The following GDAP2 variants were observed in gnomAD, a reference collection of about 807,000 sequenced individuals.
GDAP2 encodes ganglioside-induced differentiation-associated protein 2.
In GDAP2, 51 loss-of-function variants were observed where a neutral mutation model predicts 67.0. The observed-to-expected ratio is 0.76, with a 90% CI of 0.61 to 0.96. The LOEUF (loss-of-function observed/expected upper bound fraction) is 0.96, where lower values mean the gene tolerates loss of function less well. GDAP2 is among the 40% of genes least tolerant of loss of function. The pLI is 0.00. For missense variants in GDAP2, 547 were observed against 588.3 expected (o/e 0.93, Z 0.73); for synonymous variants, 203 against 207.3 (o/e 0.98, Z 0.18).
At position 117,863,901 on chromosome 1, in the gene GDAP2, G is replaced by A. The variant is rs1374853133; in HGVS notation, c.*6668C>T. ...ATAAACACTACTATGCATGCTTTAT[G>A]TACATTATTGCATTTGTTCCTCCTA... On this transcript the variant is annotated 3_prime_UTR_variant, in exon 14 of 14. Transcript: ENST00000369443. 6.6e-6 allele frequency: 1 copy of A among 152,154 alleles called. No homozygotes were observed. Among genetic ancestry groups the A allele is most frequent in the Non-Finnish European group, 1.5e-5 (1 of 68,020 alleles). The allele number at this position is 152,154 out of a possible 1,614,324, so 9.4% of individuals were successfully genotyped here. A position where few individuals can be genotyped will look rare whatever the true frequency, so the allele number is the denominator to read the frequency against.
intron 5 of GDAP2, among the ~76,000 whole-genome samples, chr1:117,908,575 C>G (rs1186413250): frequency 6.6e-6 from 1 of 152,108 alleles, no homozygotes; most frequent in Non-Finnish European, 1.5e-5. Context: ...ATAATCCCAG[C>G]ACTTTGGGAG....
intron 3 of GDAP2, among the ~76,000 whole-genome samples, chr1:117,917,518 G>C (rs1249694269): frequency 6.6e-6 from 1 of 152,098 alleles, no homozygotes; most frequent in Non-Finnish European, 1.5e-5. Flanking sequence ...TATTTATTAA[G>C]CTCTTACTAT....
chr1:117,886,117 T>C (rs939464010), intron 10 of GDAP2, among the ~76,000 whole-genome samples: 10 of 152,212 alleles, frequency 6.6e-5, no homozygotes, highest in African/African-American at 2.2e-4. Flanking sequence ...CTACCAGTTA[T>C]AACCATTTTT....
In GDAP2 at chr1:117,883,520, G is replaced by T; in HGVS notation, c.1215C>A (p.Phe405Leu). ...CAACAACATCGTAGAGTTTCTTCAGGAAGTCGGAGTCCAGGTGATTGTATT... is the reference window on the plus strand; with the variant it reads ...CAACAACATCGTAGAGTTTCTTCAGTAAGTCGGAGTCCAGGTGATTGTATT... ...TSEYNHLDSD[F>L]LKKLYDVVDV... The change falls in exon 11 of 14, where the codon TTC becomes TTA. Residue 405 changes from phenylalanine to leucine, a missense_variant. Phe to Leu is a conservative substitution (Grantham distance 22). Coordinates refer to ENST00000369443, the MANE Select transcript of GDAP2 (RefSeq NM_017686.4). 6.2e-7 allele frequency: 1 copy of T among 1,612,716 alleles called. No homozygotes were observed. The highest frequency in any genetic ancestry group is 8.5e-7 in the Non-Finnish European group (1 of 1,179,064).
chr1:117,874,380 T>C (rs1393601430), intron 13 of GDAP2, among the ~76,000 whole-genome samples: 1 of 152,174 alleles, frequency 6.6e-6, no homozygotes, highest in Non-Finnish European at 1.5e-5. Context: ...TTTTGCCATG[T>C]GATCTCTACA....
intron 4 of GDAP2, 45 bp from the exon 5 acceptor site, chr1:117,912,127 A>C (rs1022826306): frequency 1.9e-6 from 2 of 1,045,972 alleles, no homozygotes; most frequent in Non-Finnish European, 3.0e-6. Flanking sequence ...AAATATCAGT[A>C]ATACATACAC....
At chr1:117,894,305 A>G (rs2101134032) in intron 8 of GDAP2, among the ~76,000 whole-genome samples, 1 of 152,184 alleles carries the variant, frequency 6.6e-6, no homozygotes, top group South Asian at 2.1e-4. Context: ...TTTTTTTCTT[A>G]AAGAGATCCT....
intron 2 of GDAP2, 84 bp from the exon 3 acceptor site, chr1:117,918,820 C>T (rs770633832): frequency 6.9e-5 from 78 of 1,122,570 alleles, no homozygotes; most frequent in Admixed American, 3.9e-4. Context: ...ACATTTTATC[C>T]TTGTCTTTTT....
intron 8 of GDAP2, among the ~76,000 whole-genome samples, chr1:117,893,319 C>T (rs1282356290): frequency 6.6e-6 from 1 of 152,056 alleles, no homozygotes. Flanking sequence ...CCAATGTCTA[C>T]CTTATGATAC....
At chr1:117,893,791 AAC>A (rs1465931124) in intron 8 of GDAP2, among the ~76,000 whole-genome samples, 2 of 152,204 alleles carry the variant, frequency 1.3e-5, no homozygotes, top group Non-Finnish European at 2.9e-5. Context: ...ATCTATATAA[AAC>A]ACAGACATTT....
intron 11 of GDAP2, among the ~76,000 whole-genome samples, chr1:117,882,367 A>C (rs1468329670): frequency 6.6e-6 from 1 of 152,116 alleles, no homozygotes; most frequent in Non-Finnish European, 1.5e-5. Flanking sequence ...TTAAATTCTC[A>C]AAACAATTCT....
Position 117,878,122 on chromosome 1 carries a change from C to T in GDAP2, c.1333G>A (p.Val445Ile), listed in dbSNP as rs780000402. ...VSTWFFTTFSVSGLKDKIHHV... is the reference protein window; with the variant it reads ...VSTWFFTTFSISGLKDKIHHV... ...TGGATTTTGTCCTTCAGTCCTGAGA[C>T]AGAAAAGGTGGTAAAAAACCATGTT... Residue 445 changes from valine (V) to isoleucine (I), a missense_variant, in exon 13 of 14, where the codon GTC becomes ATC. Physicochemically the swap from Val to Ile is conservative, Grantham distance 29. Coordinates refer to ENST00000369443, the MANE Select transcript of GDAP2 (RefSeq NM_017686.4). 1 of 1,599,238 alleles carries T rather than the reference C, an allele frequency of 6.3e-7. No individual in the cohort carries two copies. The highest frequency in any genetic ancestry group is 2.3e-5 in the East Asian group (1 of 44,270).
chr1:117,896,750 A>C (rs974710872), intron 8 of GDAP2, 83 bp downstream of exon 8: 1 of 834,046 alleles, frequency 1.2e-6, no homozygotes, highest in Admixed American at 2.5e-5. Flanking sequence ...TTATATATAC[A>C]CGTAGCTCAT....
chr1:117,922,687 G>A (rs908793284), intron 1 of GDAP2, among the ~76,000 whole-genome samples: 6 of 152,192 alleles, frequency 3.9e-5, no homozygotes, highest in Admixed American at 1.3e-4. Flanking sequence ...GGGATTGTAC[G>A]AATAGGGTGT....
rs1442717101 is a variant in GDAP2, at chr1:117,922,186, A to G, written c.-67-1762T>C. On this transcript the variant is annotated intron_variant, in intron 1 of 13. Coordinates refer to ENST00000369443, the MANE Select transcript of GDAP2 (RefSeq NM_017686.4). ...CTAAAGATATAAATTTGGAATTCTC[A>G]GCATATGGATGGTATTTAAAGCTAT... Among the ~76,000 whole-genome samples the G allele has an allele frequency of 2.0e-5, 3 of 152,216 alleles. No homozygotes were observed. The East Asian group carries it at 5.8e-4, about 29-fold the overall frequency.
intron 8 of GDAP2, among the ~76,000 whole-genome samples, chr1:117,895,569 G>T (rs564623917): frequency 7.5e-4 from 114 of 152,282 alleles, no homozygotes; most frequent in Non-Finnish European, 1.3e-3. Context: ...CCAGATCCCA[G>T]TAATGTGAGG....
chr1:117,907,832 ATGTTACCC>A (rs919383236), intron 5 of GDAP2, among the ~76,000 whole-genome samples: 50 of 152,098 alleles, frequency 3.3e-4, no homozygotes, highest in African/African-American at 1.1e-3. Context: ...TTATCTTCTC[ATGTTACCC>A]TTTTTAATAA....
rs1195295782 is a variant in GDAP2 at position 117,929,576 on chromosome 1, A to C, written c.-196T>G. 2 of 152,316 alleles carry C rather than the reference A, an allele frequency of 1.3e-5. No individual in the cohort carries two copies. Among genetic ancestry groups the C allele is most frequent in the Non-Finnish European group, 2.9e-5 (2 of 68,136 alleles). 9.4% of individuals were successfully genotyped at this position (152,316 alleles called of 1,614,324 possible). A position where few individuals can be genotyped will look rare whatever the true frequency, so the allele number is the denominator to read the frequency against. ...GTACGGCGAGTCAAAGTCCCAGGAG[A>C]CTGGAGTGACCAGCTGCAAATGCTC... On this transcript the variant is annotated 5_prime_UTR_variant, in exon 1 of 14. Transcript: ENST00000369443.
chr1:117,924,996 T>C (rs1048783000), intron 1 of GDAP2, among the ~76,000 whole-genome samples: 3 of 152,178 alleles, frequency 2.0e-5, no homozygotes, highest in Non-Finnish European at 2.9e-5. Flanking sequence ...CAATGAGTCA[T>C]TGTCATAAAA....
Sources: gnomAD v4.1 joint callset for allele counts (sites outside exome capture counted in the v4.1 genomes callset) on GRCh38, gnomAD v4.1.1 for gene constraint, MANE v1.5 for transcripts, NCBI Gene and HGNC (gene_info 2026-07-23, HGNC 2026-07-21) for gene names.